Variants in RPS6KA2 observed in about 807,000 individuals in gnomAD.
RPS6KA2 encodes the protein ribosomal protein S6 kinase alpha-2.
In RPS6KA2, 42 loss-of-function variants were observed where a neutral mutation model predicts 91.8. The observed-to-expected ratio is 0.46, with a 90% CI of 0.36 to 0.59. The LOEUF is 0.59. Ranked by LOEUF, RPS6KA2 falls within the 20% of genes least tolerant of loss-of-function variation. The probability of loss-of-function intolerance (pLI) is 0.00; values close to 1 mark genes in which losing one functional copy is unlikely to be tolerated. For synonymous variants in RPS6KA2, 414 were observed against 393.6 expected, an observed-to-expected ratio of 1.05 and a Z score of -0.61; for missense variants, 798 against 978.5, an observed-to-expected ratio of 0.82 and a Z score of 2.46.
At chr6:166,489,680 T>C (rs1472156391) in intron 9 of RPS6KA2, among the ~76,000 whole-genome samples, 2 of 152,104 alleles carry the variant, frequency 1.3e-5, no homozygotes, top group Admixed American at 1.3e-4. Context: ...CTGCTGCAAT[T>C]CAAGGTCCCT....
intron 2 of RPS6KA2, among the ~76,000 whole-genome samples, chr6:166,687,894 G>C (rs2128569602): frequency 6.6e-6 from 1 of 152,346 alleles, no homozygotes; most frequent in South Asian, 2.1e-4. Flanking sequence ...CGGTAGGAGT[G>C]AGACCTGGAA....
intron 1 of RPS6KA2, among the ~76,000 whole-genome samples, chr6:166,594,616 C>T (rs890615620): frequency 2.0e-5 from 3 of 152,202 alleles, no homozygotes; most frequent in African/African-American, 4.8e-5. Context: ...GCGCCTGCCA[C>T]GATGCCCAGC....
intron 4 of RPS6KA2, among the ~76,000 whole-genome samples, chr6:166,509,663 G>A (rs1782394205): frequency 6.6e-6 from 1 of 152,208 alleles, no homozygotes; most frequent in Non-Finnish European, 1.5e-5. Flanking sequence ...CCATGAATCT[G>A]CAGCCACCAT....
At chr6:166,856,545 C>G (rs998128090) in intron 2 of RPS6KA2, among the ~76,000 whole-genome samples, 1 of 152,182 alleles carries the variant, frequency 6.6e-6, no homozygotes, top group Non-Finnish European at 1.5e-5. Context: ...TCAACTGAAC[C>G]TAGCAGAATG....
At chr6:166,761,492 G>C (rs1385798405) in intron 2 of RPS6KA2, among the ~76,000 whole-genome samples, 1 of 152,252 alleles carries the variant, frequency 6.6e-6, no homozygotes, top group African/African-American at 2.4e-5. Context: ...GGCTTTAAAA[G>C]CATTGCTATT....
At chr6:166,790,727 G>T (rs887500942) in intron 2 of RPS6KA2, among the ~76,000 whole-genome samples, 3 of 152,206 alleles carry the variant, frequency 2.0e-5, no homozygotes, top group Admixed American at 2.0e-4. Flanking sequence ...TTAAAGAAAA[G>T]AATTTTCAAT....
At chr6:166,850,310 TG>T (rs1391829689) in intron 2 of RPS6KA2, among the ~76,000 whole-genome samples, 1 of 143,862 alleles carries the variant, frequency 7.0e-6, no homozygotes, top group East Asian at 2.2e-4. Context: ...GCATTATCTA[TG>T]GGAGAAAATC....
chr6:166,759,814 G>A (rs536664699), intron 2 of RPS6KA2, among the ~76,000 whole-genome samples: 3 of 152,208 alleles, frequency 2.0e-5, no homozygotes, highest in Admixed American at 6.5e-5. Context: ...AGACACAGCC[G>A]CAGCCGAGTC....
chr6:166,544,276 A>T (rs1783752806), intron 1 of RPS6KA2, among the ~76,000 whole-genome samples: 1 of 152,244 alleles, frequency 6.6e-6, no homozygotes, highest in African/African-American at 2.4e-5. Context: ...AAAGGGAGAG[A>T]AGATTCACTA....
At position 166,625,344 on chromosome 6, in the gene RPS6KA2, C is replaced by A. The variant is rs567746653; in HGVS notation, c.99+1577G>T. On this transcript the variant is annotated intron_variant, in intron 1 of 20. Transcript: ENST00000265678. ...CACCACCCCCCCACCCCCCCCCCCG[C>A]TTGTTTCCCACTGTATTCTTTCCGG... is the stretch of plus-strand genomic sequence containing the variant. 4.3e-5 allele frequency among the ~76,000 whole-genome samples: 5 copies of A among 115,136 alleles called. No individual in the cohort carries two copies. The South Asian group carries it at 1.8e-3, about 41-fold the overall frequency. 75.5% of individuals were successfully genotyped at this position (115,136 alleles called of 152,430 possible).
In RPS6KA2 at chr6:166,726,212, G is replaced by A. The variant is rs1215184706; in HGVS notation, c.123+131988C>T. Among the ~76,000 whole-genome samples the A allele has an allele frequency of 7.9e-5, 12 of 151,846 alleles. No individual in the cohort carries two copies. Among genetic ancestry groups the A allele is most frequent in the Non-Finnish European group, 5.9e-5 (4 of 68,008 alleles). On this transcript the variant is annotated intron_variant, in intron 2 of 21. Coordinates refer to the RPS6KA2 transcript ENST00000503859. This position sits in a 1 kb window ranked among gnomAD's most constrained non-coding sequence, Gnocchi z 4.4. ...TATTTATAAGCAAAGTCCTAGCCAC[G>A]GCCATCTGATGTGGTAGAAGAATAA...
At chr6:166,507,011 C>T (rs1782251251) in intron 5 of RPS6KA2, among the ~76,000 whole-genome samples, 1 of 152,108 alleles carries the variant, frequency 6.6e-6, no homozygotes, top group South Asian at 2.1e-4. Flanking sequence ...TGGAGGGTTC[C>T]TACCTAAGGC....
At chr6:166,783,045 T>TA (rs1778810416) in intron 2 of RPS6KA2, among the ~76,000 whole-genome samples, 1 of 139,736 alleles carries the variant, frequency 7.2e-6, no homozygotes, top group African/African-American at 2.7e-5. Flanking sequence ...GGGTATCTTT[T>TA]AGGTATTATT....
chr6:166,858,314 G>T, intron 1 of RPS6KA2: 1 of 982,042 alleles, frequency 1.0e-6, no homozygotes. Flanking sequence ...GTTTGTAGGT[G>T]GCCTCATACA....
At chr6:166,569,248 G>A (rs1007368594) in intron 1 of RPS6KA2, among the ~76,000 whole-genome samples, 9 of 152,214 alleles carry the variant, frequency 5.9e-5, no homozygotes, top group African/African-American at 2.2e-4. Flanking sequence ...GCCCTGGTTT[G>A]GCCCATTCTG....
Position 166,737,197 on chromosome 6 carries a change from T to C in RPS6KA2, c.123+121003A>G, listed in dbSNP as rs1790693093. Reference sequence around the variant, plus strand: ...GACATTCCTCATCAGTTGCCAAATATTGATTATTCTCTGTTTAGTCTACAA... The same window carrying C: ...GACATTCCTCATCAGTTGCCAAATACTGATTATTCTCTGTTTAGTCTACAA... On this transcript the variant is annotated intron_variant, in intron 2 of 21. Coordinates refer to the RPS6KA2 transcript ENST00000503859. This position sits in a 1 kb window ranked among gnomAD's most constrained non-coding sequence, Gnocchi z 4.3. 6.6e-6 allele frequency among the ~76,000 whole-genome samples: 1 copy of C among 152,206 alleles called. No individual in the cohort carries two copies. The highest frequency in any genetic ancestry group is 1.5e-5 in the Non-Finnish European group (1 of 68,032).
At chr6:166,496,850 C>A (rs572912485) in intron 8 of RPS6KA2, among the ~76,000 whole-genome samples, 1 of 152,292 alleles carries the variant, frequency 6.6e-6, no homozygotes, top group Non-Finnish European at 1.5e-5. Flanking sequence ...TCTCCTGAAG[C>A]CACAGACTAT....
chr6:166,565,569 C>CGCCT (rs148648316), intron 1 of RPS6KA2, among the ~76,000 whole-genome samples: 4,498 of 152,344 alleles, frequency 0.03, 87 homozygotes, highest in Non-Finnish European at 0.046. Context: ...GGGCAGTGAC[C>CGCCT]GCCTCACTTG....
rs563034771 is a variant in RPS6KA2, at chr6:166,716,685, G to T, written c.123+141515C>A. Among the ~76,000 whole-genome samples the T allele has an allele frequency of 2.6e-4, 39 of 152,190 alleles. No homozygotes were observed. The South Asian group carries it at 4.6e-3, about 18-fold the overall frequency. On this transcript the variant is annotated intron_variant, in intron 2 of 21. Transcript: ENST00000503859. ...GGTTGTAATAACAAATTATTCATTT[G>T]GAAAAATAGTTAAATCCCTCATTAT...
Sources: gnomAD v4.1 joint callset for allele counts (sites outside exome capture counted in the v4.1 genomes callset) on GRCh38, gnomAD v4.1.1 for gene constraint, Gnocchi (gnomAD v3.1) non-coding constraint, MANE v1.5 for transcripts, NCBI Gene and HGNC (gene_info 2026-07-23, HGNC 2026-07-21) for gene names.